ZNF679: variants seen among roughly 807,000 people sequenced by gnomAD.
ZNF679 encodes hypothetical protein MGC42415.
Under a neutral mutation model 13.4 loss-of-function variants are expected in ZNF679, and 10 were observed. That is an observed-to-expected ratio of 0.75 (90% CI 0.46 to 1.27). The LOEUF is 1.27. Among genes scored for constraint, ZNF679 ranks in the 50% most tolerant of loss-of-function variants. ZNF679 has a pLI of 0.00. For synonymous variants in ZNF679, 179 were observed against 162.5 expected, an observed-to-expected ratio of 1.10 and a Z score of -0.77; for missense variants, 525 against 477.8, an observed-to-expected ratio of 1.10 and a Z score of -0.92.
intron 1 of ZNF679, among the ~76,000 whole-genome samples, chr7:64,231,606 G>C (rs1277397185): frequency 6.6e-6 from 1 of 152,192 alleles, no homozygotes; most frequent in Non-Finnish European, 1.5e-5. Context: ...AGCTGGGAGT[G>C]TAGAGTCACA....
At chr7:64,263,348 C>T (rs561815922) in intron 4 of ZNF679, among the ~76,000 whole-genome samples, 2 of 152,158 alleles carry the variant, frequency 1.3e-5, no homozygotes, top group Non-Finnish European at 2.9e-5. Context: ...ACCTTGGCCT[C>T]CCAAAGTGCT....
chr7:64,262,056 A>G (rs1334575606), intron 4 of ZNF679, among the ~76,000 whole-genome samples: 2 of 152,088 alleles, frequency 1.3e-5, no homozygotes, highest in Non-Finnish European at 2.9e-5. Context: ...GGGTTTCACC[A>G]TGTTGGTCAG....
In ZNF679 at chr7:64,249,039, T is replaced by C. The variant is rs951601810; in HGVS notation, c.-79T>C. ...TTCTCTGCGTCCAGAGCTCCAGTTC[T>C]TCTCTTCACTGCTCTGCGTCCTCTG... is the stretch of plus-strand genomic sequence containing the variant. On this transcript the variant is annotated 5_prime_UTR_variant, in exon 2 of 5. Transcript: ENST00000421025. 3 of 1,601,766 alleles carry C rather than the reference T, an allele frequency of 1.9e-6. No individual in the cohort carries two copies. The East Asian group carries it at 6.8e-5, about 36-fold the overall frequency.
chr7:64,244,815 G>A (rs1584229363), intron 1 of ZNF679, among the ~76,000 whole-genome samples: 2 of 152,288 alleles, frequency 1.3e-5, no homozygotes, highest in East Asian at 3.9e-4. Flanking sequence ...GAAGCCTCCA[G>A]CAGCCAATTT....
chr7:64,251,764 C>A (rs1213776352), intron 2 of ZNF679, among the ~76,000 whole-genome samples: 1 of 152,094 alleles, frequency 6.6e-6, no homozygotes, highest in East Asian at 1.9e-4. Context: ...AATATCATCT[C>A]CTGAGTTATT....
At chr7:64,240,761 C>T (rs1787788162) in intron 1 of ZNF679, among the ~76,000 whole-genome samples, 1 of 152,182 alleles carries the variant, frequency 6.6e-6, no homozygotes, top group South Asian at 2.1e-4. Context: ...CAGTCAATAG[C>T]AGAAATTCAC....
At chr7:64,256,401 A>G (rs1788005241) in intron 2 of ZNF679, among the ~76,000 whole-genome samples, 1 of 152,226 alleles carries the variant, frequency 6.6e-6, no homozygotes, top group Admixed American at 6.5e-5. Flanking sequence ...TCTTTATGGT[A>G]GAATAACTTA....
intron 4 of ZNF679, among the ~76,000 whole-genome samples, chr7:64,262,148 G>C (rs372969259): frequency 5.3e-5 from 8 of 152,104 alleles, no homozygotes; most frequent in African/African-American, 1.9e-4. Context: ...GAGCCACCGC[G>C]CCTGGCTCGC....
At chr7:64,251,647 TCTTAGTA>T (rs1787945948) in intron 2 of ZNF679, among the ~76,000 whole-genome samples, 1 of 152,122 alleles carries the variant, frequency 6.6e-6, no homozygotes, top group Non-Finnish European at 1.5e-5. Context: ...TGGTTCTGGG[TCTTAGTA>T]CTGCTTTGGG....
At chr7:64,242,391 C>A (rs79423886) in intron 1 of ZNF679, among the ~76,000 whole-genome samples, 4,941 of 152,232 alleles carry the variant, frequency 0.032, 175 homozygotes, top group East Asian at 0.17. Flanking sequence ...TTGTGCTTGC[C>A]CAGGCTTTTG....
intron 2 of ZNF679, among the ~76,000 whole-genome samples, chr7:64,256,832 G>A (rs1305243259): frequency 2.6e-5 from 4 of 151,682 alleles, no homozygotes; most frequent in Non-Finnish European, 4.4e-5. Flanking sequence ...TGAGTAGGTG[G>A]GATTGCAGGC....
At chr7:64,260,017 TATC>T (rs1320713860) in intron 2 of ZNF679, among the ~76,000 whole-genome samples, 2 of 152,142 alleles carry the variant, frequency 1.3e-5, no homozygotes, top group African/African-American at 4.8e-5. Context: ...TCCAGAAAAG[TATC>T]ATATCTACAG....
At position 64,260,472 on chromosome 7, in the gene ZNF679, A is replaced by T. The variant is rs563013767; in HGVS notation, c.166+125A>T. 1.3e-5 allele frequency: 18 copies of T among 1,428,002 alleles called. No individual in the cohort carries two copies. The East Asian group carries it at 3.6e-4, about 28-fold the overall frequency. 88.5% of individuals were successfully genotyped at this position (1,428,002 alleles called of 1,614,324 possible). ...CTCTGATTTGAAGAAAATCTTGGGG[A>T]TTCATTGGTGTAGAACAAATTCTTC... On this transcript the variant is annotated intron_variant, in intron 3 of 4. Coordinates refer to ENST00000421025, the MANE Select transcript of ZNF679 (RefSeq NM_153363.3).
chr7:64,257,758 C>T (rs111319586), intron 2 of ZNF679, among the ~76,000 whole-genome samples: 2,167 of 152,114 alleles, frequency 0.014, 49 homozygotes, highest in African/African-American at 0.049. Flanking sequence ...TTATTTGTAC[C>T]AGAAGTATTT....
intron 1 of ZNF679, among the ~76,000 whole-genome samples, 168 bp from the exon 2 acceptor site, chr7:64,248,860 T>C (rs1324782390): frequency 6.6e-6 from 1 of 152,140 alleles, no homozygotes; most frequent in Non-Finnish European, 1.5e-5. Context: ...TTGCTTTGTT[T>C]AGCCCAGTGT....
intron 1 of ZNF679, among the ~76,000 whole-genome samples, chr7:64,240,710 AC>A (rs1787787293): frequency 6.6e-6 from 1 of 152,156 alleles, no homozygotes; most frequent in Non-Finnish European, 1.5e-5. Flanking sequence ...TCATTTTTGA[AC>A]CCAGCTCACA....
intron 1 of ZNF679, among the ~76,000 whole-genome samples, chr7:64,245,516 G>A (rs1787857561): frequency 6.6e-6 from 1 of 151,834 alleles, no homozygotes; most frequent in Non-Finnish European, 1.5e-5. Flanking sequence ...AGGAGATCAG[G>A]AAAACTAGAG....
Position 64,266,118 on chromosome 7 carries a change from T to C in ZNF679, c.485T>C (p.Val162Ala). The C allele has an allele frequency of 6.2e-7, 1 of 1,610,776 alleles. No individual in the cohort carries two copies. Among genetic ancestry groups the C allele is most frequent in the African/African-American group, 1.3e-5 (1 of 75,032 alleles). Residue 162 changes from valine (V) to alanine (A), a missense_variant, in exon 5 of 5, where the codon GTC becomes GCC. Val to Ala is a moderately conservative substitution (Grantham distance 64). Transcript: ENST00000421025. ...AAAATATTTCAGACTCATAAATGTG[T>C]CAAAGTCTTCGGCAAATTTTCAAAT... is the stretch of plus-strand genomic sequence containing the variant. ...QNKIFQTHKC[V>A]KVFGKFSNSN...
intron 1 of ZNF679, among the ~76,000 whole-genome samples, chr7:64,247,617 G>T (rs1004965904): frequency 1.3e-5 from 2 of 152,022 alleles, no homozygotes; most frequent in African/African-American, 4.8e-5. Flanking sequence ...GCGGTGGCAC[G>T]ATCTCGGCTC....
Sources: gnomAD v4.1 joint callset for allele counts (sites outside exome capture counted in the v4.1 genomes callset) on GRCh38, gnomAD v4.1.1 for gene constraint, MANE v1.5 for transcripts, NCBI Gene and HGNC (gene_info 2026-07-23, HGNC 2026-07-21) for gene names.